The following ABCC4 variants were observed in gnomAD, a reference collection of about 807,000 sequenced individuals.
ABCC4 encodes ATP-binding cassette sub-family C member 4.
In ABCC4, 102 loss-of-function variants were observed where a neutral mutation model predicts 168.5. The observed-to-expected ratio is 0.61, with a 90% CI of 0.52 to 0.71. ABCC4 has a LOEUF of 0.71. Among genes scored for constraint, ABCC4 ranks in the 30% least tolerant of loss-of-function variants. ABCC4 has a pLI of 0.00. For missense variants in ABCC4, 1,402 were observed against 1,605.8 expected (o/e 0.87, Z 2.17); for synonymous variants, 617 against 590.7 (o/e 1.04, Z -0.65).
At chr13:95,198,095 C>A (rs2038512021) in intron 8 of ABCC4, among the ~76,000 whole-genome samples, 1 of 151,994 alleles carries the variant, frequency 6.6e-6, no homozygotes, top group Non-Finnish European at 1.5e-5. Context: ...GCAACAAAAG[C>A]CAAAATTGAC....
At chr13:95,138,413 C>A (rs1205920694) in intron 19 of ABCC4, among the ~76,000 whole-genome samples, 1 of 152,080 alleles carries the variant, frequency 6.6e-6, no homozygotes, top group Non-Finnish European at 1.5e-5. Context: ...CTATTATACT[C>A]AATGCAATTA....
intron 8 of ABCC4, among the ~76,000 whole-genome samples, chr13:95,201,069 C>T (rs1046937641): frequency 1.3e-5 from 2 of 152,196 alleles, no homozygotes; most frequent in South Asian, 2.1e-4. Flanking sequence ...GGCCCACCCT[C>T]CCACCAGAAA....
In ABCC4 at chr13:95,167,409, C is replaced by T. The variant is rs2037317817; in HGVS notation, c.1825-1042G>A. Among the ~76,000 whole-genome samples the T allele has an allele frequency of 2.0e-5, 3 of 152,150 alleles. No homozygotes were observed. In the South Asian group the frequency reaches 6.2e-4, roughly 32 times the overall value. On this transcript the variant is annotated intron_variant, in intron 14 of 30. Coordinates refer to ENST00000645237, the MANE Select transcript of ABCC4 (RefSeq NM_005845.5). ...CAGCAAACAAAATATTAGGCAAACT[C>T]CCAGAATACAAAACAAATCAAAGGA... is the stretch of plus-strand genomic sequence containing the variant.
At chr13:95,130,893 C>A (rs1452280811) in intron 19 of ABCC4, among the ~76,000 whole-genome samples, 1 of 152,066 alleles carries the variant, frequency 6.6e-6, no homozygotes, top group Non-Finnish European at 1.5e-5. Flanking sequence ...TATGGCATTT[C>A]CGGCTTCCCC....
intron 19 of ABCC4, among the ~76,000 whole-genome samples, chr13:95,125,936 C>T (rs1044710184): frequency 5.3e-5 from 8 of 152,174 alleles, no homozygotes; most frequent in African/African-American, 1.4e-4. Flanking sequence ...TGGACAGCAA[C>T]AGGTAGAATC....
At chr13:95,226,462 T>C (rs1051536011) in intron 4 of ABCC4, among the ~76,000 whole-genome samples, 2 of 152,096 alleles carry the variant, frequency 1.3e-5, no homozygotes, top group African/African-American at 4.8e-5. Context: ...GATTCACACA[T>C]AAATGGCCAT....
At chr13:95,157,073 C>G (rs1033728559) in intron 19 of ABCC4, among the ~76,000 whole-genome samples, 4 of 144,486 alleles carry the variant, frequency 2.8e-5, no homozygotes, top group Admixed American at 1.4e-4. Context: ...GCCTGGGCGA[C>G]AGAGTGAGAC....
chr13:95,251,225 A>T (rs1157841385), intron 1 of ABCC4, among the ~76,000 whole-genome samples: 1 of 152,104 alleles, frequency 6.6e-6, no homozygotes, highest in Non-Finnish European at 1.5e-5. Context: ...ATAAAAGCTA[A>T]CTTATCTTTG....
Position 95,166,355 on chromosome 13 carries a change from G to T in ABCC4, c.1837C>A (p.Gln613Lys). 3 of 1,612,360 alleles carry T rather than the reference G, an allele frequency of 1.9e-6. No individual in the cohort carries two copies. Among genetic ancestry groups the T allele is most frequent in the African/African-American group, 2.7e-5 (2 of 74,962 alleles). Residue 613 changes from glutamine (Q) to lysine (K), a missense_variant, in exon 15 of 31, where the codon CAG becomes AAG. Physicochemically the swap from Gln to Lys is moderately conservative, Grantham distance 53. This residue lies in a region of ABCC4 where 1,007 missense variants were observed against 1,127.3 expected (regional missense o/e 0.89). Coordinates refer to ENST00000645237, the MANE Select transcript of ABCC4 (RefSeq NM_005845.5). ...AGGAACTCAGTGTAAGTCCCCTTCT[G>T]CACCATTTTACCCTAAAATAAAAAT... ...ILILKDGKMV[Q>K]KGTYTEFLKS...
intron 14 of ABCC4, among the ~76,000 whole-genome samples, chr13:95,169,072 G>A (rs1463631420): frequency 6.6e-6 from 1 of 152,154 alleles, no homozygotes; most frequent in Admixed American, 6.5e-5. Context: ...TGCCAGCCAA[G>A]GATCAACAGT....
At chr13:95,183,350 T>G (rs1345899266) in intron 11 of ABCC4, among the ~76,000 whole-genome samples, 1 of 152,134 alleles carries the variant, frequency 6.6e-6, no homozygotes, top group African/African-American at 2.4e-5. Flanking sequence ...ACATGCAATC[T>G]CTGTACCTAC....
rs1394530639 is a variant in ABCC4 at position 95,291,009 on chromosome 13, A to AAAAAAAAAAAAGAG, written c.74+10231_74+10232insCTCTTTTTTTTTTT. Reference sequence around the variant, plus strand: ...CAAGACCCTGTCTCAAAAAAAAAAAAAGAGGAAACCATGCCAAATGACTTT... The same window carrying AAAAAAAAAAAAGAG: ...CAAGACCCTGTCTCAAAAAAAAAAAAAAAAAAAAAAAGAGAGAGGAAACCATGCCAAATGACTTT... On this transcript the variant is annotated intron_variant, in intron 1 of 30. Transcript: ENST00000645237. Among the ~76,000 whole-genome samples, 6 of 123,466 alleles carry AAAAAAAAAAAAGAG rather than the reference A, an allele frequency of 4.9e-5. No homozygotes were observed. In the Admixed American group the frequency reaches 6.1e-4, roughly 13 times the overall value. 81.0% of individuals were successfully genotyped at this position (123,466 alleles called of 152,430 possible). A position where few individuals can be genotyped will look rare whatever the true frequency, so the allele number is the denominator to read the frequency against.
At chr13:95,044,790 G>C (rs2032508060) in intron 27 of ABCC4, among the ~76,000 whole-genome samples, 1 of 152,030 alleles carries the variant, frequency 6.6e-6, no homozygotes, top group African/African-American at 2.4e-5. Context: ...GTAAAATACA[G>C]AAAGATAAAA....
At position 95,083,191 on chromosome 13, in the gene ABCC4, G is replaced by A. The variant is rs772774190; in HGVS notation, c.2635C>T (p.Arg879Trp). 96 of 1,613,642 alleles carry A rather than the reference G, an allele frequency of 5.9e-5. No individual in the cohort carries two copies. The highest frequency in any genetic ancestry group is 7.0e-5 in the Non-Finnish European group (83 of 1,179,906). The change falls in exon 21 of 31, where the codon CGG becomes TGG. Residue 879 changes from arginine to tryptophan, a missense_variant. By Grantham distance (101) the Arg-to-Trp change is moderately radical (BLOSUM62 -3). Around this residue, in one of 3 missense-constraint regions of ABCC4, gnomAD observed 1,007 missense variants for 1,127.3 expected, o/e 0.89. Transcript: ENST00000645237. ...VPLGIIFIFL[R>W]RYFLETSRDV... ...CTTGACGTTTCCAAAAAATATCGCC[G>A]AAGAAAAATGAAAATGATTCCAAGG...
chr13:95,034,862 T>C (rs748565751), intron 29 of ABCC4, 123 bp from the exon 30 acceptor site: 62 of 1,391,598 alleles, frequency 4.5e-5, no homozygotes, highest in Non-Finnish European at 5.8e-5. Context: ...TAGGCCTGGA[T>C]AGTATTTAAA....
At chr13:95,141,327 C>T (rs574746325) in intron 19 of ABCC4, among the ~76,000 whole-genome samples, 1 of 152,304 alleles carries the variant, frequency 6.6e-6, no homozygotes, top group East Asian at 1.9e-4. Flanking sequence ...TTACTTTTCA[C>T]TGAGTTTCAC....
intron 4 of ABCC4, 108 bp from the exon 5 acceptor site, chr13:95,210,889 A>G (rs899497): frequency 0.79 from 556,021 of 701,546 alleles, 222,551 homozygotes; most frequent in Non-Finnish European, 0.84. Flanking sequence ...GACCAGATCT[A>G]AGCACAAGCA....
chr13:95,066,161 C>T (rs117519472), intron 25 of ABCC4, among the ~76,000 whole-genome samples: 4 of 152,332 alleles, frequency 2.6e-5, no homozygotes, highest in East Asian at 1.9e-4. Context: ...TATCAAATCA[C>T]GGCATCGAGC....
intron 1 of ABCC4, among the ~76,000 whole-genome samples, chr13:95,294,664 T>C (rs2041482707): frequency 6.6e-6 from 1 of 152,132 alleles, no homozygotes; most frequent in Non-Finnish European, 1.5e-5. Context: ...GTAGAAAACA[T>C]AGTCCAGGCT....
Sources: allele counts gnomAD v4.1 joint callset (sites outside exome capture counted in the v4.1 genomes callset), GRCh38; gene constraint gnomAD v4.1.1; regional missense constraint gnomAD v4.1.1; transcripts MANE v1.5; gene names NCBI Gene and HGNC (gene_info 2026-07-23, HGNC 2026-07-21).